GABRB2: variants seen among roughly 807,000 people sequenced by gnomAD.
GABRB2 encodes gamma-aminobutyric acid receptor subunit beta-2.
GABRB2 carries 16 observed loss-of-function variants against 54.7 expected under a neutral mutation model. That is an observed-to-expected ratio of 0.29 (90% CI 0.20 to 0.44). GABRB2 has a LOEUF of 0.44. Among genes scored for constraint, GABRB2 ranks in the 20% least tolerant of loss-of-function variants. GABRB2 has a pLI of 1.00. For missense variants in GABRB2, 355 were observed against 644.0 expected, an observed-to-expected ratio of 0.55 and a Z score of 4.86; for synonymous variants, 244 against 233.8, an observed-to-expected ratio of 1.04 and a Z score of -0.40.
chr5:161,305,085 C>T (rs1470690376), intron 9 of GABRB2, among the ~76,000 whole-genome samples: 1 of 143,952 alleles, frequency 6.9e-6, no homozygotes, highest in Non-Finnish European at 1.5e-5. Context: ...GGCGCAATCT[C>T]GGCTCACTGC....
intron 5 of GABRB2, among the ~76,000 whole-genome samples, chr5:161,384,812 G>C (rs1052447964): frequency 6.6e-6 from 1 of 152,110 alleles, no homozygotes; most frequent in African/African-American, 2.4e-5. Context: ...TCCTTATATA[G>C]GTATATGCTC....
intron 5 of GABRB2, among the ~76,000 whole-genome samples, chr5:161,339,349 T>C (rs1430384033): frequency 6.6e-6 from 1 of 152,140 alleles, no homozygotes; most frequent in Non-Finnish European, 1.5e-5. Flanking sequence ...TGGTATATAC[T>C]AAGCACTTTG....
intron 8 of GABRB2, among the ~76,000 whole-genome samples, chr5:161,327,452 A>C (rs141470766): frequency 1.3e-5 from 2 of 152,070 alleles, no homozygotes. Flanking sequence ...AGAAAAATCC[A>C]TATCAGAACT....
chr5:161,365,338 T>C (rs1754942313), intron 5 of GABRB2, among the ~76,000 whole-genome samples: 1 of 152,170 alleles, frequency 6.6e-6, no homozygotes, highest in South Asian at 2.1e-4. Context: ...TTGAATAACT[T>C]TAAAGCAAAA....
chr5:161,413,858 G>A (rs1348895858), intron 4 of GABRB2, among the ~76,000 whole-genome samples: 1 of 152,136 alleles, frequency 6.6e-6, no homozygotes, highest in Non-Finnish European at 1.5e-5. Flanking sequence ...AATGAGTGAA[G>A]TTTGCAATTG....
chr5:161,488,035 C>A (rs1226512214), intron 3 of GABRB2, among the ~76,000 whole-genome samples: 1 of 151,712 alleles, frequency 6.6e-6, no homozygotes, highest in South Asian at 2.1e-4. Flanking sequence ...TTTTTATATA[C>A]CTTCCTTCAC....
chr5:161,314,594 A>G (rs1757969929), intron 9 of GABRB2, among the ~76,000 whole-genome samples: 1 of 152,152 alleles, frequency 6.6e-6, no homozygotes, highest in East Asian at 1.9e-4. Context: ...ATAATTGAAT[A>G]TAATAATAAA....
intron 5 of GABRB2, among the ~76,000 whole-genome samples, chr5:161,383,216 C>T (rs965267167): frequency 1.3e-5 from 2 of 152,108 alleles, no homozygotes; most frequent in African/African-American, 4.8e-5. Context: ...CAAAACTTTT[C>T]CATCTCATAC....
At chr5:161,508,712 G>C (rs1759678528) in intron 3 of GABRB2, among the ~76,000 whole-genome samples, 1 of 151,988 alleles carries the variant, frequency 6.6e-6, no homozygotes, top group Non-Finnish European at 1.5e-5. Context: ...AGATCTGAAG[G>C]CTGCAGTTGT....
At chr5:161,407,819 T>C (rs1756391107) in intron 5 of GABRB2, among the ~76,000 whole-genome samples, 1 of 152,126 alleles carries the variant, frequency 6.6e-6, no homozygotes, top group South Asian at 2.1e-4. Flanking sequence ...GGAATGGATA[T>C]CTCCTTTCAA....
At chr5:161,408,832 G>A (rs1756423281) in intron 5 of GABRB2, among the ~76,000 whole-genome samples, 1 of 151,900 alleles carries the variant, frequency 6.6e-6, no homozygotes, top group Non-Finnish European at 1.5e-5. Context: ...GAGAATGAGA[G>A]TGAATGAATG....
chr5:161,490,024 A>G (rs957879556), intron 3 of GABRB2, among the ~76,000 whole-genome samples: 3 of 151,750 alleles, frequency 2.0e-5, no homozygotes, highest in Non-Finnish European at 4.4e-5. Context: ...CTGTAAGCAT[A>G]GAAGCTGATC....
intron 3 of GABRB2, among the ~76,000 whole-genome samples, chr5:161,538,163 G>A (rs1760701639): frequency 2.0e-5 from 3 of 152,116 alleles, no homozygotes; most frequent in Admixed American, 2.0e-4. Context: ...AAATAGTACA[G>A]TGTGTAGCAA....
intron 4 of GABRB2, among the ~76,000 whole-genome samples, chr5:161,431,779 A>G (rs1223029225): frequency 6.6e-6 from 1 of 152,208 alleles, no homozygotes; most frequent in Non-Finnish European, 1.5e-5. Flanking sequence ...AACATCTAAG[A>G]TTGATAACTT....
At chr5:161,482,204 G>A (rs1333700135) in intron 3 of GABRB2, among the ~76,000 whole-genome samples, 2 of 151,960 alleles carry the variant, frequency 1.3e-5, no homozygotes, top group Non-Finnish European at 2.9e-5. Context: ...TCCCTCACGA[G>A]GTGTGCATGT....
At chr5:161,321,740 C>T (rs1318269133) in intron 9 of GABRB2, among the ~76,000 whole-genome samples, 1 of 152,004 alleles carries the variant, frequency 6.6e-6, no homozygotes, top group African/African-American at 2.4e-5. Context: ...TGAAACCTAA[C>T]TTTTTTTTCT....
intron 3 of GABRB2, among the ~76,000 whole-genome samples, chr5:161,519,738 G>A (rs1474149708): frequency 3.3e-5 from 5 of 151,944 alleles, no homozygotes; most frequent in East Asian, 1.9e-4. Flanking sequence ...AAAAAGAATC[G>A]ATACCATCCC....
At chr5:161,306,197 G>C (rs561713585) in intron 9 of GABRB2, among the ~76,000 whole-genome samples, 3 of 152,320 alleles carry the variant, frequency 2.0e-5, no homozygotes. Flanking sequence ...TCAGTTCCAG[G>C]CAAGAGGGAA....
chr5:161,513,527 G>T (rs768554195), intron 3 of GABRB2, among the ~76,000 whole-genome samples: 23 of 152,068 alleles, frequency 1.5e-4, no homozygotes, highest in Non-Finnish European at 2.8e-4. Context: ...ATTAATGCAG[G>T]AATGGAAAAC....
Sources: allele counts gnomAD v4.1 joint callset (sites outside exome capture counted in the v4.1 genomes callset), GRCh38; gene constraint gnomAD v4.1.1; transcripts MANE v1.5; gene names NCBI Gene and HGNC (gene_info 2026-07-23, HGNC 2026-07-21).